PARP4: variants seen among roughly 807,000 people sequenced by gnomAD.
The protein encoded by PARP4 is poly(ADP-ribose) polymerase family member 4, also known as protein mono-ADP-ribosyltransferase PARP4.
A neutral mutation model predicts 187.7 loss-of-function variants in PARP4; 120 were observed. The observed-to-expected ratio is 0.64, with a 90% CI of 0.55 to 0.74. The LOEUF is 0.74. Ranked by LOEUF, PARP4 falls within the 30% of genes least tolerant of loss-of-function variation. The pLI is 0.00. For synonymous variants in PARP4, 654 were observed against 740.9 expected, an observed-to-expected ratio of 0.88 and a Z score of 1.90; for missense variants, 1,836 against 2,070.5, an observed-to-expected ratio of 0.89 and a Z score of 2.20.
chr13:24,439,490 CACTTA>C (rs1416879301), intron 30 of PARP4, among the ~76,000 whole-genome samples: 2 of 126,032 alleles, frequency 1.6e-5, no homozygotes, highest in African/African-American at 6.3e-5. Context: ...GTGAACAAAA[CACTTA>C]ACATATGTAG....
intron 1 of PARP4, among the ~76,000 whole-genome samples, chr13:24,506,467 C>G (rs1217813462): frequency 6.6e-6 from 1 of 152,146 alleles, no homozygotes; most frequent in Non-Finnish European, 1.5e-5. Flanking sequence ...CCACCCACAT[C>G]CTGCTGATTG....
chr13:24,422,860 A>G (rs1238063905), intron 33 of PARP4, among the ~76,000 whole-genome samples: 3 of 152,002 alleles, frequency 2.0e-5, no homozygotes, highest in African/African-American at 7.3e-5. Context: ...GTCCGCCTCA[A>G]CCTCCCAAAG....
In PARP4 at chr13:24,431,486, T is replaced by G. The variant is rs770357568; in HGVS notation, c.4747-10A>C. On this transcript the variant is annotated splice_polypyrimidine_tract_variant and intron_variant, in intron 31 of 33. Transcript: ENST00000381989. Reference sequence around the variant, plus strand: ...GTTTCCAGAAGCCATCCTACAAAATTAAGGAAACAAAAATAAGTTATGTTA... The same window carrying G: ...GTTTCCAGAAGCCATCCTACAAAATGAAGGAAACAAAAATAAGTTATGTTA... The G allele has an allele frequency of 1.3e-6, 2 of 1,516,772 alleles. No individual in the cohort carries two copies. Among genetic ancestry groups the G allele is most frequent in the Non-Finnish European group, 9.1e-7 (1 of 1,104,236 alleles). The allele number at this position is 1,516,772 out of a possible 1,614,324, so 94.0% of individuals were successfully genotyped here.
chr13:24,486,671 G>T (rs1281110187), intron 10 of PARP4, among the ~76,000 whole-genome samples: 1 of 152,168 alleles, frequency 6.6e-6, no homozygotes, highest in Non-Finnish European at 1.5e-5. Context: ...GCAACTTCTG[G>T]CTGGGCGCAA....
intron 12 of PARP4, among the ~76,000 whole-genome samples, chr13:24,482,416 C>T (rs1240950990): frequency 2.6e-5 from 4 of 152,160 alleles, no homozygotes; most frequent in African/African-American, 4.8e-5. Flanking sequence ...GCATCTCATA[C>T]TACAGATAAA....
At chr13:24,460,179 AC>A (rs1872139239) in intron 17 of PARP4, 43 bp from the exon 18 acceptor site, 2 of 1,551,624 alleles carry the variant, frequency 1.3e-6, no homozygotes, top group African/African-American at 2.7e-5. Flanking sequence ...TTGAAAGCAT[AC>A]CCATTATATG....
intron 12 of PARP4, among the ~76,000 whole-genome samples, chr13:24,479,925 A>C (rs1873180113): frequency 1.3e-5 from 2 of 152,172 alleles, no homozygotes; most frequent in African/African-American, 4.8e-5. Flanking sequence ...AGCCCGCGAG[A>C]CCACGAGCCC....
At chr13:24,440,255 G>A (rs1471555374) in intron 30 of PARP4, among the ~76,000 whole-genome samples, 2 of 151,872 alleles carry the variant, frequency 1.3e-5, no homozygotes, top group Non-Finnish European at 2.9e-5. Context: ...AAAATTAGCT[G>A]AGTGTGGTGG....
rs745672473 is a variant in PARP4 at position 24,477,869 on chromosome 13, A to G, written c.1633-12T>C. On this transcript the variant is annotated splice_polypyrimidine_tract_variant and intron_variant, in intron 13 of 33. Coordinates refer to ENST00000381989, the MANE Select transcript of PARP4 (RefSeq NM_006437.4). ...ACAAATTCATCATCCTAGAGCAAAC[A>G]GAAATCAGTAGGTGATTAACAACAG... 3.9e-6 allele frequency: 6 copies of G among 1,542,206 alleles called. No homozygotes were observed. The African/African-American group carries it at 7.0e-5, about 18-fold the overall frequency.
chr13:24,436,746 T>C (rs1870659304), intron 30 of PARP4, among the ~76,000 whole-genome samples: 1 of 152,246 alleles, frequency 6.6e-6, no homozygotes, highest in South Asian at 2.1e-4. Context: ...AAAAGTTGCA[T>C]GTATAAAATC....
chr13:24,501,587 A>T, intron 3 of PARP4, 46 bp downstream of exon 3: 1 of 1,312,588 alleles, frequency 7.6e-7, no homozygotes, highest in Non-Finnish European at 1.1e-6. Context: ...CCAAGCGTGT[A>T]CTATGGCACC....
chr13:24,495,793 TTG>T lies in PARP4; in HGVS notation c.592-1073_592-1072del, dbSNP rs373300753. On this transcript the variant is annotated intron_variant, in intron 6 of 33. Coordinates refer to ENST00000381989, the MANE Select transcript of PARP4 (RefSeq NM_006437.4). The stretch of plus-strand genomic sequence containing the variant: ...GAAACTTGGAAAATAGGAGTGCCTG[TTG>T]AAGTCACTCCATTTAAGACGGTAGA... Among the ~76,000 whole-genome samples, 44 of 152,316 alleles carry T rather than the reference TTG, an allele frequency of 2.9e-4. 1 individual carries two copies. In the East Asian group the frequency reaches 8.5e-3, roughly 29 times the overall value.
chr13:24,454,006 TG>T (rs1871676266), intron 22 of PARP4, among the ~76,000 whole-genome samples: 1 of 149,086 alleles, frequency 6.7e-6, no homozygotes, highest in African/African-American at 2.5e-5. Flanking sequence ...TCTCAGCCAC[TG>T]GGGAGGCTAA....
rs1869140887 is a variant in PARP4 at position 24,499,281 on chromosome 13, A to T, written c.477+20T>A. 2.1e-6 allele frequency: 3 copies of T among 1,460,570 alleles called. No homozygotes were observed. The highest frequency in any genetic ancestry group is 1.5e-5 in the South Asian group (1 of 66,148). 90.5% of individuals were successfully genotyped at this position (1,460,570 alleles called of 1,614,324 possible). ...GGTGTGTTTTTTTTTTTTTTTGCTA[A>T]CTAGAAATCAGATTCTTACTTTCTC... On this transcript the variant is annotated intron_variant, in intron 5 of 33. Coordinates refer to ENST00000381989, the MANE Select transcript of PARP4 (RefSeq NM_006437.4).
intron 33 of PARP4, among the ~76,000 whole-genome samples, chr13:24,425,873 G>A (rs1356174260): frequency 6.6e-6 from 1 of 151,962 alleles, no homozygotes; most frequent in African/African-American, 2.4e-5. Context: ...ATGGCATTTT[G>A]ATGGGTGGGG....
At chr13:24,460,495 G>A (rs1471217307) in intron 17 of PARP4, among the ~76,000 whole-genome samples, 4 of 142,788 alleles carry the variant, frequency 2.8e-5, no homozygotes, top group Non-Finnish European at 6.0e-5. Flanking sequence ...CTGCTGCATG[G>A]GTGGGCTCTG....
rs1872651923 is a variant in PARP4, at chr13:24,469,785, A to G, written c.2046+109T>C. On this transcript the variant is annotated intron_variant, in intron 16 of 33. Coordinates refer to ENST00000381989, the MANE Select transcript of PARP4 (RefSeq NM_006437.4). ...CAAAGAATATTCTCGTTTTATGATA[A>G]GGCTGCTACTCAACCTTGTAGCCAT... 8 of 1,117,776 alleles carry G rather than the reference A, an allele frequency of 7.2e-6. No homozygotes were observed. In the East Asian group the frequency reaches 1.9e-4, roughly 27 times the overall value. 69.2% of individuals were successfully genotyped at this position (1,117,776 alleles called of 1,614,324 possible).
Position 24,484,697 on chromosome 13 carries a change from G to A in PARP4, c.1404C>T (p.Asp468=), listed in dbSNP as rs756517126. Residue 468 remains aspartate, a synonymous_variant, in exon 12 of 34, where the codon GAC becomes GAT. Transcript: ENST00000381989. ...VVEDRGVQRT[D]VGNLGSGIYF... ...AAATCCCACTTCCAAGGTTTCCGACGTCTGTTCTTTGCACACCACGATCTT... is the reference window on the plus strand; with the variant it reads ...AAATCCCACTTCCAAGGTTTCCGACATCTGTTCTTTGCACACCACGATCTT... 5.6e-6 allele frequency: 9 copies of A among 1,612,232 alleles called. No homozygotes were observed. The African/African-American group carries it at 6.7e-5, about 12-fold the overall frequency.
At chr13:24,431,715 G>C (rs1870346473) in intron 31 of PARP4, among the ~76,000 whole-genome samples, 1 of 152,160 alleles carries the variant, frequency 6.6e-6, no homozygotes, top group South Asian at 2.1e-4. Context: ...GAAGTTATGT[G>C]ATAAATGTTT....
Sources: allele counts gnomAD v4.1 joint callset (sites outside exome capture counted in the v4.1 genomes callset), GRCh38; gene constraint gnomAD v4.1.1; transcripts MANE v1.5; gene names NCBI Gene and HGNC (gene_info 2026-07-23, HGNC 2026-07-21).